AOPEP: variants seen among roughly 807,000 people sequenced by gnomAD.
AOPEP encodes aminopeptidase O.
A neutral mutation model predicts 98.1 loss-of-function variants in AOPEP; 77 were observed. The observed-to-expected ratio is 0.78, with a 90% CI of 0.65 to 0.95. The LOEUF (loss-of-function observed/expected upper bound fraction) is 0.95. Ranked by LOEUF, AOPEP falls within the 40% of genes least tolerant of loss-of-function variation. The pLI is 0.00. For missense variants in AOPEP, 1,024 were observed against 1,024.7 expected (o/e 1.00, Z 0.01); for synonymous variants, 346 against 365.3 (o/e 0.95, Z 0.60).
At chr9:95,124,524 A>G in the AOPEP span, among the ~76,000 whole-genome samples, 1 of 152,114 alleles carries the variant, frequency 6.6e-6, no homozygotes, top group African/African-American at 2.4e-5. Context: ...ACTGTGTCTA[A>G]CACACACCTC....
chr9:94,880,750 C>G (rs566330197), intron 5 of AOPEP, among the ~76,000 whole-genome samples: 5 of 152,338 alleles, frequency 3.3e-5, no homozygotes, highest in Admixed American at 6.5e-5. Flanking sequence ...AACTATATGA[C>G]AAGCTTGGGT....
At chr9:95,117,427 T>C in the AOPEP span, 1 of 1,577,490 alleles carries the variant, frequency 6.3e-7, no homozygotes, top group Non-Finnish European at 8.7e-7. Flanking sequence ...GCATGAACAT[T>C]AAGATTGAAA....
chr9:95,125,237 C>T, the AOPEP span: 59 of 1,437,522 alleles, frequency 4.1e-5, 1 homozygote, highest in South Asian at 6.7e-4. Flanking sequence ...ATCCGGCAAA[C>T]ATGAAAACCT....
chr9:94,755,964 A>T (rs1434826750), intron 1 of AOPEP, among the ~76,000 whole-genome samples: 2 of 152,212 alleles, frequency 1.3e-5, no homozygotes, highest in Admixed American at 1.3e-4. Flanking sequence ...TTGTTTTTAA[A>T]GATGGCAACC....
chr9:95,120,097 TCAAA>T, the AOPEP span, among the ~76,000 whole-genome samples: 1 of 145,620 alleles, frequency 6.9e-6, no homozygotes, highest in Non-Finnish European at 1.5e-5. Context: ...CACCTCAGTG[TCAAA>T]CAGATACATT....
intron 5 of AOPEP, among the ~76,000 whole-genome samples, chr9:94,859,486 C>A (rs1221744113): frequency 6.6e-6 from 1 of 152,164 alleles, no homozygotes; most frequent in Non-Finnish European, 1.5e-5. Context: ...ACTCAAGATC[C>A]TTATTAACTT....
chr9:95,057,078 G>A (rs2066889086), intron 13 of AOPEP, among the ~76,000 whole-genome samples: 1 of 152,156 alleles, frequency 6.6e-6, no homozygotes, highest in South Asian at 2.1e-4. Context: ...TTGAACTGTG[G>A]GTGTGAGCAC....
chr9:94,831,026 A>G (rs996420810), intron 5 of AOPEP, among the ~76,000 whole-genome samples: 1 of 151,546 alleles, frequency 6.6e-6, no homozygotes, highest in Non-Finnish European at 1.5e-5. Context: ...TTGATAGTTT[A>G]TTTTTCTGTA....
intron 9 of AOPEP, among the ~76,000 whole-genome samples, chr9:94,960,111 C>A (rs1245620741): frequency 1.3e-5 from 2 of 152,110 alleles, no homozygotes; most frequent in African/African-American, 2.4e-5. Context: ...TTATTCACTA[C>A]TGTAAAAGAT....
At chr9:95,043,041 G>A (rs2065473450) in intron 13 of AOPEP, among the ~76,000 whole-genome samples, 1 of 151,912 alleles carries the variant, frequency 6.6e-6, no homozygotes, top group African/African-American at 2.4e-5. Flanking sequence ...GGGAGATCAA[G>A]GCAAGAGGAT....
At chr9:94,838,522 T>G (rs1438520594) in intron 5 of AOPEP, among the ~76,000 whole-genome samples, 3 of 152,226 alleles carry the variant, frequency 2.0e-5, no homozygotes, top group Admixed American at 6.5e-5. Context: ...ATTGGCTGAT[T>G]TGATTCCTCC....
intron 11 of AOPEP, among the ~76,000 whole-genome samples, chr9:94,981,939 T>C (rs1564479392): frequency 6.6e-6 from 1 of 152,212 alleles, no homozygotes; most frequent in Non-Finnish European, 1.5e-5. Flanking sequence ...ATTTTCCTTT[T>C]TGGCTACGTT....
In AOPEP at chr9:94,957,231, C is replaced by T. The variant is rs142625408; in HGVS notation, c.1872+1216C>T. ...TTTGTTGTTTTTTTGTTGTTGGAGACAGATTCTCCTCTGTCGCCTAGGCTG... is the reference window on the plus strand; with the variant it reads ...TTTGTTGTTTTTTTGTTGTTGGAGATAGATTCTCCTCTGTCGCCTAGGCTG... On this transcript the variant is annotated intron_variant, in intron 9 of 16. Coordinates refer to ENST00000375315, the MANE Select transcript of AOPEP (RefSeq NM_001193329.3). Among the ~76,000 whole-genome samples the T allele has an allele frequency of 2.0e-5, 3 of 152,232 alleles. No individual in the cohort carries two copies. The East Asian group carries it at 5.8e-4, about 29-fold the overall frequency.
At chr9:94,755,177 A>G (rs1360568965) in intron 1 of AOPEP, among the ~76,000 whole-genome samples, 2 of 152,058 alleles carry the variant, frequency 1.3e-5, no homozygotes, top group African/African-American at 2.4e-5. Context: ...GGACCTTTGT[A>G]TGTTATGGCT....
chr9:94,838,445 TTTC>T (rs2134703589), intron 5 of AOPEP, among the ~76,000 whole-genome samples: 1 of 152,394 alleles, frequency 6.6e-6, no homozygotes, highest in East Asian at 1.9e-4. Context: ...CTTCCATTGA[TTTC>T]TGTCTCTCTC....
intron 5 of AOPEP, among the ~76,000 whole-genome samples, chr9:94,822,988 CT>C (rs1853606743): frequency 1.0e-5 from 1 of 95,794 alleles, no homozygotes; most frequent in African/African-American, 4.6e-5. Flanking sequence ...CACCTGTCCC[CT>C]AATCTTTTTT....
At chr9:94,845,854 A>C (rs537467837) in intron 5 of AOPEP, among the ~76,000 whole-genome samples, 1 of 152,194 alleles carries the variant, frequency 6.6e-6, no homozygotes, top group Admixed American at 6.5e-5. Flanking sequence ...GCACTTTGGG[A>C]GGCCAAGGTG....
At chr9:94,863,263 CTTCT>C in intron 5 of AOPEP, among the ~76,000 whole-genome samples, 1 of 147,538 alleles carries the variant, frequency 6.8e-6, no homozygotes, top group East Asian at 2.0e-4. Context: ...CTGTTTCCCT[CTTCT>C]TTCTCTTTTT....
In AOPEP at chr9:95,075,062, A is replaced by C. The variant is rs1362141151; in HGVS notation, c.2233-5632A>C. On this transcript the variant is annotated intron_variant, in intron 14 of 16. Coordinates refer to ENST00000375315, the MANE Select transcript of AOPEP (RefSeq NM_001193329.3). ...CCTTCTGCCGTCTTGTTCTTTCTCT[A>C]CTTGCCCAGTCTCCTTCCCTCCCAC... Among the ~76,000 whole-genome samples, 3 of 151,622 alleles carry C rather than the reference A, an allele frequency of 2.0e-5. No homozygotes were observed. In the East Asian group the frequency reaches 5.8e-4, roughly 29 times the overall value.
Sources: gnomAD v4.1 joint callset for allele counts (sites outside exome capture counted in the v4.1 genomes callset) on GRCh38, gnomAD v4.1.1 for gene constraint, MANE v1.5 for transcripts, NCBI Gene and HGNC (gene_info 2026-07-23, HGNC 2026-07-21) for gene names.